The following POLA1 variants were observed in gnomAD, a reference collection of about 807,000 sequenced individuals.
The protein encoded by POLA1 is DNA polymerase alpha catalytic subunit.
In POLA1, 15 loss-of-function variants were observed where a neutral mutation model predicts 124.0. The observed-to-expected ratio is 0.12, with a 90% CI of 0.08 to 0.19. The LOEUF is 0.19. POLA1 is among the 10% of genes least tolerant of loss of function. POLA1 has a pLI of 1.00. For synonymous variants in POLA1, 408 were observed against 389.4 expected (o/e 1.05, Z -0.56); for missense variants, 886 against 1,103.4 (o/e 0.80, Z 2.79).
Position 24,748,826 on chromosome X carries a change from T to C in POLA1, c.2842-44T>C, listed in dbSNP as rs756695071. 1.2e-5 allele frequency: 14 copies of C among 1,187,484 alleles called. No individual in the cohort carries two copies. In the Admixed American group the frequency reaches 2.9e-4, roughly 24 times the overall value. On this transcript the variant is annotated intron_variant, in intron 25 of 36. Coordinates refer to ENST00000379068, the MANE Select transcript of POLA1 (RefSeq NM_001330360.2). ...AGACATCTAATGTAATGCTTAACCA[T>C]CTGTAAATGTTGTTGTTTGTCTTTT...
chrX:24,951,437 T>C, intron 36 of POLA1, among the ~76,000 whole-genome samples: 1 of 97,644 alleles, frequency 1.0e-5, no homozygotes. Flanking sequence ...CACAGGCAAC[T>C]CTGCAGCACT....
intron 34 of POLA1, among the ~76,000 whole-genome samples, chrX:24,870,544 A>C (rs957181150): frequency 4.5e-5 from 5 of 111,960 alleles, no homozygotes; most frequent in Non-Finnish European, 9.4e-5. Context: ...TTAGTAAATT[A>C]ATGACCTACT....
rs1335384989 is a variant in POLA1, at chrX:24,791,506, C to T, written c.2965-18392C>T. Among the ~76,000 whole-genome samples, 3 of 112,115 alleles carry T rather than the reference C, an allele frequency of 2.7e-5. No individual in the cohort carries two copies. The East Asian group carries it at 8.4e-4, about 31-fold the overall frequency. ...GTTCAAGCGATTCTCCTGCCTCAGCCTCCCGAGTAGCTGGGATTACAGGTG... is the reference window on the plus strand; with the variant it reads ...GTTCAAGCGATTCTCCTGCCTCAGCTTCCCGAGTAGCTGGGATTACAGGTG... On this transcript the variant is annotated intron_variant, in intron 26 of 36. Transcript: ENST00000379068.
intron 32 of POLA1, among the ~76,000 whole-genome samples, chrX:24,837,364 G>A (rs993822752): frequency 1.8e-5 from 2 of 111,458 alleles, no homozygotes; most frequent in African/African-American, 3.3e-5. Context: ...CTCTTTTTGT[G>A]TGCAACTTCT....
At chrX:24,730,004 C>T (rs1262868939) in intron 15 of POLA1, among the ~76,000 whole-genome samples, 1 of 110,003 alleles carries the variant, frequency 9.1e-6, no homozygotes, top group Non-Finnish European at 1.9e-5. Flanking sequence ...ACCATGTTGC[C>T]CAGGCTGGTC....
Position 24,749,726 on chromosome X carries a change from C to T in POLA1, c.2964+734C>T, listed in dbSNP as rs1932220393. On this transcript the variant is annotated intron_variant, in intron 26 of 36. Transcript: ENST00000379068. ...TAAGGAGGCCATTGGATGTATAGAT[C>T]CAGAATTCCAGGAATACATCAAGAC... 1.8e-5 allele frequency among the ~76,000 whole-genome samples: 2 copies of T among 111,567 alleles called. 1 individual carries two copies. The highest frequency in any genetic ancestry group is 1.9e-4 in the Admixed American group (2 of 10,581).
chrX:24,989,481 G>A (rs1048669836), intron 36 of POLA1, among the ~76,000 whole-genome samples: 3 of 108,491 alleles, frequency 2.8e-5, no homozygotes, highest in East Asian at 2.9e-4. Context: ...GCTGGAGTGC[G>A]GTGGCACAAT....
intron 26 of POLA1, among the ~76,000 whole-genome samples, chrX:24,775,642 A>G (rs767679529): frequency 9.0e-6 from 1 of 111,683 alleles, no homozygotes; most frequent in Non-Finnish European, 1.9e-5. Flanking sequence ...TTTAGAGTTT[A>G]TGAAACCAAC....
intron 34 of POLA1, among the ~76,000 whole-genome samples, chrX:24,844,476 CAAA>C (rs752074051): frequency 1.2e-5 from 1 of 83,509 alleles, no homozygotes. Flanking sequence ...CAACACATTT[CAAA>C]AAAAAAAAAA....
chrX:24,741,578 G>T, intron 21 of POLA1, 74 bp downstream of exon 21: 1 of 895,211 alleles, frequency 1.1e-6, no homozygotes, highest in South Asian at 2.2e-5. Context: ...GTTGTTATAT[G>T]ATAATGAGTC....
chrX:24,871,751 G>A (rs1296865920), intron 34 of POLA1, among the ~76,000 whole-genome samples: 1 of 111,367 alleles, frequency 9.0e-6, no homozygotes, highest in Non-Finnish European at 1.9e-5. Context: ...TAGAGGCAGA[G>A]CCAGGAGAAA....
intron 35 of POLA1, among the ~76,000 whole-genome samples, chrX:24,906,429 TCACTTATAAGTGGGTATGTTCC>T (rs2047366531): frequency 9.1e-6 from 1 of 110,219 alleles, no homozygotes; most frequent in Non-Finnish European, 1.9e-5. Flanking sequence ...TCGTATGTTC[TCACTTATAAGTGGGTATGTTCC>T]CACTTATAAG....
chrX:24,723,428 C>G (rs748282789), intron 11 of POLA1, among the ~76,000 whole-genome samples, 161 bp downstream of exon 11: 13 of 111,942 alleles, frequency 1.2e-4, no homozygotes, highest in Non-Finnish European at 2.4e-4. Context: ...GTCAGCAATT[C>G]TATTAGAGGT....
intron 22 of POLA1, among the ~76,000 whole-genome samples, chrX:24,742,670 T>TGTATC (rs1931744424): frequency 8.9e-6 from 1 of 112,052 alleles, no homozygotes; most frequent in Admixed American, 9.5e-5. Context: ...TGTTTTTTAA[T>TGTATC]GTACATTATC....
At chrX:24,930,697 T>G (rs2047763321) in intron 36 of POLA1, 148 bp downstream of exon 36, 1 of 460,225 alleles carries the variant, frequency 2.2e-6, no homozygotes, top group Admixed American at 3.5e-5. Context: ...AGGGATCCCC[T>G]GCATGAGGGG....
At chrX:24,783,567 A>C (rs779163068) in intron 26 of POLA1, among the ~76,000 whole-genome samples, 1 of 112,128 alleles carries the variant, frequency 8.9e-6, no homozygotes, top group East Asian at 2.8e-4. Flanking sequence ...TTTATGGACA[A>C]ATTTAATTAT....
At position 24,970,121 on chromosome X, in the gene POLA1, G is replaced by A. The variant is rs191869874; in HGVS notation, c.4262-25684G>A. On this transcript the variant is annotated intron_variant, in intron 36 of 36. Transcript: ENST00000379068. ...CGTCTCTGCAGACATAAAGACAAAT[G>A]GAACAGAATAGAGAACTCAGAAATC... is the stretch of plus-strand genomic sequence containing the variant. Among the ~76,000 whole-genome samples, 3 of 112,085 alleles carry A rather than the reference G, an allele frequency of 2.7e-5. No individual in the cohort carries two copies. The East Asian group carries it at 8.4e-4, about 31-fold the overall frequency.
intron 26 of POLA1, among the ~76,000 whole-genome samples, chrX:24,765,394 C>T (rs1235148942): frequency 1.9e-5 from 2 of 107,142 alleles, no homozygotes; most frequent in Admixed American, 2.0e-4. Flanking sequence ...CTCCTGGGTT[C>T]AAGCATTTCT....
intron 34 of POLA1, among the ~76,000 whole-genome samples, chrX:24,869,022 A>C (rs1428357599): frequency 9.0e-6 from 1 of 111,634 alleles, no homozygotes; most frequent in African/African-American, 3.3e-5. Context: ...TGCAGCCTTG[A>C]CCTCCTGGTC....
Sources: gnomAD v4.1 joint callset for allele counts (sites outside exome capture counted in the v4.1 genomes callset) on GRCh38, gnomAD v4.1.1 for gene constraint, MANE v1.5 for transcripts, NCBI Gene and HGNC (gene_info 2026-07-23, HGNC 2026-07-21) for gene names.